CREG2: variants seen among roughly 807,000 people sequenced by gnomAD.
CREG2 encodes protein CREG2.
Under a neutral mutation model 26.2 loss-of-function variants are expected in CREG2, and 24 were observed. The observed-to-expected ratio is 0.92, with a 90% confidence interval of 0.66 to 1.29. CREG2 has a LOEUF of 1.29. CREG2 is among the 50% of genes most tolerant of loss of function. The pLI is 0.00. For missense variants in CREG2, 366 were observed against 398.6 expected (o/e 0.92, Z 0.70); for synonymous variants, 174 against 169.2 (o/e 1.03, Z -0.22).
At position 101,377,201 on chromosome 2, in the gene CREG2, AT is replaced by A. The variant is rs562893125; in HGVS notation, c.611+6331del. ...GTGAAAATATACTCTATGAAAAGAA[AT>A]TTTTTTAAACCACACAAACTGTTGT... On this transcript the variant is annotated intron_variant, in intron 2 of 3. Transcript: ENST00000324768. 3.7e-3 allele frequency among the ~76,000 whole-genome samples: 567 copies of A among 152,268 alleles called. 6 individuals are homozygous for A. The highest frequency in any genetic ancestry group is 0.013 in the African/African-American group (526 of 41,558).
At chr2:101,363,167 G>C (rs59837431) in intron 2 of CREG2, among the ~76,000 whole-genome samples, 1 of 152,168 alleles carries the variant, frequency 6.6e-6, no homozygotes, top group African/African-American at 2.4e-5. Flanking sequence ...TGTTCTTAGC[G>C]GGTGGGTTTC....
chr2:101,351,892 A>T (rs5025732), intron 3 of CREG2, among the ~76,000 whole-genome samples: 135,042 of 150,710 alleles, frequency 0.9, 60,672 homozygotes, highest in East Asian at 0.99. Flanking sequence ...TTATTAAAAA[A>T]TTTTTTTTTT....
chr2:101,351,947 G>A (rs1429033759), intron 3 of CREG2, among the ~76,000 whole-genome samples: 3 of 151,860 alleles, frequency 2.0e-5, no homozygotes, highest in South Asian at 2.1e-4. Context: ...GTGCAGTGGC[G>A]GGATCATAGC....
intron 2 of CREG2, among the ~76,000 whole-genome samples, chr2:101,374,988 T>A (rs900282392): frequency 6.6e-6 from 1 of 152,202 alleles, no homozygotes; most frequent in Non-Finnish European, 1.5e-5. Flanking sequence ...CTGACCCGCC[T>A]GCTGACACCC....
intron 2 of CREG2, among the ~76,000 whole-genome samples, chr2:101,362,618 C>T (rs1209194093): frequency 2.0e-5 from 3 of 152,178 alleles, no homozygotes; most frequent in African/African-American, 7.2e-5. Context: ...GGCTCTCTAC[C>T]TCCTGCAACT....
At chr2:101,365,195 AC>A (rs1285876107) in intron 2 of CREG2, among the ~76,000 whole-genome samples, 1 of 152,078 alleles carries the variant, frequency 6.6e-6, no homozygotes, top group Non-Finnish European at 1.5e-5. Flanking sequence ...CCCTAGGGTA[AC>A]CCTAGAACAA....
rs546039347 is a variant in CREG2 at position 101,373,843 on chromosome 2, G to A, written c.611+9690C>T. 3.3e-5 allele frequency among the ~76,000 whole-genome samples: 5 copies of A among 152,278 alleles called. No individual in the cohort carries two copies. The East Asian group carries it at 9.7e-4, about 29-fold the overall frequency. On this transcript the variant is annotated intron_variant, in intron 2 of 3. Coordinates refer to ENST00000324768, the MANE Select transcript of CREG2 (RefSeq NM_153836.4). ...AAGCTTTCTCTTTACAAAGTTCTCTGACTCTTCCTAGACAGCTGTTTTATT... is the reference window on the plus strand; with the variant it reads ...AAGCTTTCTCTTTACAAAGTTCTCTAACTCTTCCTAGACAGCTGTTTTATT...
At chr2:101,363,550 T>A (rs1684575429) in intron 2 of CREG2, among the ~76,000 whole-genome samples, 1 of 152,226 alleles carries the variant, frequency 6.6e-6, no homozygotes, top group African/African-American at 2.4e-5. Flanking sequence ...TATTTTTATG[T>A]GTTTGTGTTC....
At chr2:101,369,366 T>C (rs1174759861) in intron 2 of CREG2, among the ~76,000 whole-genome samples, 1 of 151,998 alleles carries the variant, frequency 6.6e-6, no homozygotes, top group Admixed American at 6.6e-5. Context: ...GAGTCTGCCA[T>C]GCAGACAGGG....
chr2:101,382,777 C>T (rs1258671031), intron 2 of CREG2: 1 of 985,282 alleles, frequency 1.0e-6, no homozygotes, highest in African/African-American at 1.7e-5. Context: ...TGTTGATTTT[C>T]TAAAGCATCA....
At chr2:101,375,763 T>C (rs908127) in intron 2 of CREG2, 15,621 of 156,742 alleles carry the variant, frequency 0.1, 963 homozygotes, top group African/African-American at 0.17. Flanking sequence ...TCCAAGGCTG[T>C]GTCTCTCCCC....
At position 101,350,859 on chromosome 2, in the gene CREG2, CT is replaced by C. The variant is rs1684370906; in HGVS notation, c.*63del. ...CAAAGAGACAGTGGTCAATAGCTGT[CT>C]GGCTGCATCACTGAAAAGGTTTTCA... On this transcript the variant is annotated 3_prime_UTR_variant, in exon 4 of 4. Transcript: ENST00000324768. 1 of 1,543,320 alleles carries C rather than the reference CT, an allele frequency of 6.5e-7. No homozygotes were observed. Among genetic ancestry groups the C allele is most frequent in the Non-Finnish European group, 8.9e-7 (1 of 1,123,092 alleles).
At chr2:101,361,288 G>A (rs1684536150) in intron 2 of CREG2, among the ~76,000 whole-genome samples, 1 of 152,222 alleles carries the variant, frequency 6.6e-6, no homozygotes, top group Non-Finnish European at 1.5e-5. Flanking sequence ...GCCCCCCAAA[G>A]ATGTCCACAT....
rs939185306 is a variant in CREG2 at position 101,379,322 on chromosome 2, A to G, written c.611+4211T>C. Among the ~76,000 whole-genome samples, 16 of 152,358 alleles carry G rather than the reference A, an allele frequency of 1.1e-4. No homozygotes were observed. In the South Asian group the frequency reaches 1.4e-3, roughly 14 times the overall value. The stretch of plus-strand genomic sequence containing the variant: ...CAGGCTGGACTTGACAGATTCATTT[A>G]AAAACTCTTTAAGGTCCCTAGAAAG... On this transcript the variant is annotated intron_variant, in intron 2 of 3. Transcript: ENST00000324768.
chr2:101,351,295 G>C (rs982496591), intron 3 of CREG2, among the ~76,000 whole-genome samples: 3 of 152,198 alleles, frequency 2.0e-5, no homozygotes, highest in Non-Finnish European at 2.9e-5. Flanking sequence ...CGTGGGCCAG[G>C]CTCCTTGGTG....
intron 2 of CREG2, among the ~76,000 whole-genome samples, chr2:101,356,501 G>T (rs1684462220): frequency 6.6e-6 from 1 of 152,180 alleles, no homozygotes; most frequent in Admixed American, 6.5e-5. Flanking sequence ...ATAATATTGT[G>T]CACATAAAAA....
intron 2 of CREG2, among the ~76,000 whole-genome samples, chr2:101,356,716 A>G (rs565131800): frequency 6.6e-6 from 1 of 152,258 alleles, no homozygotes; most frequent in South Asian, 2.1e-4. Context: ...TGCTGTCAGA[A>G]CCTGCACTGG....
intron 2 of CREG2, among the ~76,000 whole-genome samples, chr2:101,367,601 T>A (rs11674064): frequency 0.84 from 127,670 of 152,152 alleles, 54,415 homozygotes; most frequent in East Asian, 1. Flanking sequence ...CGCCCAAAGA[T>A]GTCTTAATCC....
intron 2 of CREG2, among the ~76,000 whole-genome samples, chr2:101,373,398 GGAAAATCCATAGAGACA>G (rs1684741931): frequency 6.6e-6 from 1 of 152,142 alleles, no homozygotes; most frequent in Non-Finnish European, 1.5e-5. Flanking sequence ...GTCCAGAATA[GGAAAATCCATAGAGACA>G]GAAAGAAGCT....
Sources: allele counts gnomAD v4.1 joint callset (sites outside exome capture counted in the v4.1 genomes callset), GRCh38; gene constraint gnomAD v4.1.1; transcripts MANE v1.5; gene names NCBI Gene and HGNC (gene_info 2026-07-23, HGNC 2026-07-21).